TMEM181: variants seen among roughly 807,000 people sequenced by gnomAD.
TMEM181 encodes the protein G protein-coupled receptor 178.
Under a neutral mutation model 71.9 loss-of-function variants are expected in TMEM181, and 39 were observed. The observed-to-expected ratio is 0.54, with a 90% CI of 0.42 to 0.71. The LOEUF (loss-of-function observed/expected upper bound fraction) is 0.71, where lower values mean the gene tolerates loss of function less well. TMEM181 is among the 30% of genes least tolerant of loss of function. The pLI, the probability that TMEM181 is intolerant of heterozygous loss-of-function variation, is 0.00. For synonymous variants in TMEM181, 245 were observed against 228.8 expected, an observed-to-expected ratio of 1.07 and a Z score of -0.64; for missense variants, 595 against 583.0, an observed-to-expected ratio of 1.02 and a Z score of -0.21.
upstream of TMEM181, among the ~76,000 whole-genome samples, chr6:158,556,392 CAA>C (rs1396586345): frequency 1.3e-5 from 2 of 152,122 alleles, no homozygotes; most frequent in Non-Finnish European, 1.5e-5. Context: ...AAATAACAAA[CAA>C]AGAGGCTCTC....
intron 6 of TMEM181, among the ~76,000 whole-genome samples, chr6:158,596,824 T>C (rs546393533): frequency 1.3e-5 from 2 of 152,234 alleles, no homozygotes; most frequent in South Asian, 2.1e-4. Flanking sequence ...TCAGGTCTCG[T>C]GAGACTTATT....
chr6:158,605,558 G>T (rs1376740749), intron 7 of TMEM181, among the ~76,000 whole-genome samples: 1 of 152,188 alleles, frequency 6.6e-6, no homozygotes, highest in African/African-American at 2.4e-5. Flanking sequence ...CAGGATTTCT[G>T]TAGAGTGCAC....
intron 13 of TMEM181, chr6:158,628,180 G>T: frequency 2.9e-6 from 2 of 679,610 alleles, no homozygotes; most frequent in South Asian, 3.0e-5. Context: ...GCAGCCGGCC[G>T]GTGGGTCTAG....
intron 6 of TMEM181, among the ~76,000 whole-genome samples, chr6:158,600,458 ATTTTTTTTT>A (rs61457107): frequency 9.8e-5 from 9 of 91,870 alleles, no homozygotes; most frequent in African/African-American, 2.1e-4. Context: ...CCTAGGGTTA[ATTTTTTTTT>A]TTTTTTTTTT....
rs182861845 is a variant in TMEM181 at position 158,580,393 on chromosome 6, T to C, written c.113-547T>C. 8.5e-5 allele frequency among the ~76,000 whole-genome samples: 13 copies of C among 152,312 alleles called. No homozygotes were observed. In the East Asian group the frequency reaches 1.5e-3, roughly 18 times the overall value. ...AAAATGGTTAAGATGGCAAATCTTA[T>C]GTATATTTTGTCACAGTAAAAATTG... On this transcript the variant is annotated intron_variant, in intron 2 of 16. Coordinates refer to ENST00000684151, the MANE Select transcript of TMEM181 (RefSeq NM_001376852.1).
chr6:158,585,272 G>A (rs775971237), intron 4 of TMEM181, 32 bp from the exon 5 acceptor site: 8 of 1,557,032 alleles, frequency 5.1e-6, no homozygotes, highest in Non-Finnish European at 6.9e-6. Flanking sequence ...TGCCTGGCAT[G>A]GTCTCTAACA....
chr6:158,590,671 C>T (rs1370484989), intron 6 of TMEM181, among the ~76,000 whole-genome samples: 2 of 152,166 alleles, frequency 1.3e-5, no homozygotes, highest in Non-Finnish European at 2.9e-5. Flanking sequence ...ACCATGTTGG[C>T]CAGGATGGTC....
intron 1 of TMEM181, among the ~76,000 whole-genome samples, chr6:158,567,146 T>A (rs1038950648): frequency 3.3e-5 from 5 of 152,132 alleles, no homozygotes; most frequent in African/African-American, 1.2e-4. Flanking sequence ...AGATGCCTCT[T>A]GTGAAAAGCT....
At chr6:158,576,948 G>C (rs569106929) in intron 2 of TMEM181, among the ~76,000 whole-genome samples, 1 of 151,724 alleles carries the variant, frequency 6.6e-6, no homozygotes, top group African/African-American at 2.4e-5. Context: ...TGTAGCCCCA[G>C]CTACTTGGGA....
intron 7 of TMEM181, among the ~76,000 whole-genome samples, chr6:158,605,786 T>A (rs1038694776): frequency 2.0e-5 from 3 of 152,164 alleles, no homozygotes; most frequent in African/African-American, 7.2e-5. Context: ...AATGCAGGCA[T>A]TGGGCTCGTT....
intron 13 of TMEM181, among the ~76,000 whole-genome samples, 154 bp downstream of exon 13, chr6:158,625,908 G>A (rs935924299): frequency 6.6e-6 from 1 of 152,186 alleles, no homozygotes; most frequent in Non-Finnish European, 1.5e-5. Flanking sequence ...CTGGGCAGCC[G>A]AGAGCAGCCG....
At position 158,620,122 on chromosome 6, in the gene TMEM181, G is replaced by A. The variant is rs550341865; in HGVS notation, c.897-3428G>A. Among the ~76,000 whole-genome samples the A allele has an allele frequency of 1.3e-5, 2 of 152,316 alleles. No homozygotes were observed. Among genetic ancestry groups the A allele is most frequent in the African/African-American group, 4.8e-5 (2 of 41,568 alleles). ...ACTTTGGCTTTAGGAGTCCCTGTGAGCCAAGTTTGGCGAGGTTGTGAAGGA... is the reference window on the plus strand; with the variant it reads ...ACTTTGGCTTTAGGAGTCCCTGTGAACCAAGTTTGGCGAGGTTGTGAAGGA... On this transcript the variant is annotated intron_variant, in intron 10 of 16. Coordinates refer to ENST00000684151, the MANE Select transcript of TMEM181 (RefSeq NM_001376852.1). The surrounding 1 kb of genome is among the most constrained non-coding windows in gnomAD (Gnocchi z 4.5).
intron 15 of TMEM181, among the ~76,000 whole-genome samples, chr6:158,630,853 C>T (rs773545828): frequency 6.6e-6 from 1 of 151,950 alleles, no homozygotes; most frequent in East Asian, 1.9e-4. Flanking sequence ...TTATAGTGGG[C>T]TAGCACTTGC....
rs1036286997 is a variant in TMEM181 at position 158,631,481 on chromosome 6, T to G, written c.1349+92T>G. ...AATGGGTTACTCTTCTAAAATTATT[T>G]TCAAGGTATGAAGGCATTTACCTTG... On this transcript the variant is annotated intron_variant, in intron 16 of 16. Coordinates refer to ENST00000684151, the MANE Select transcript of TMEM181 (RefSeq NM_001376852.1). 6.5e-6 allele frequency: 9 copies of G among 1,395,248 alleles called. No homozygotes were observed. In the African/African-American group the frequency reaches 1.3e-4, roughly 20 times the overall value. 86.4% of individuals were successfully genotyped at this position (1,395,248 alleles called of 1,614,324 possible).
At chr6:158,593,052 T>C (rs1052491430) in intron 6 of TMEM181, among the ~76,000 whole-genome samples, 12 of 152,248 alleles carry the variant, frequency 7.9e-5, no homozygotes, top group African/African-American at 2.7e-4. Flanking sequence ...TTTAGCAATG[T>C]ATAAAAGCCT....
chr6:158,573,607 C>G (rs542294940), intron 2 of TMEM181, 84 bp downstream of exon 2: 2 of 1,136,056 alleles, frequency 1.8e-6, no homozygotes, highest in African/African-American at 3.1e-5. Context: ...AGCTGTGCCC[C>G]TATCTTCCAC....
chr6:158,542,259 T>C (rs1781381928), intron 1 of TMEM181, among the ~76,000 whole-genome samples: 1 of 152,188 alleles, frequency 6.6e-6, no homozygotes, highest in African/African-American at 2.4e-5. Flanking sequence ...GAATCTCACG[T>C]ATAGTATTGG....
intron 1 of TMEM181, among the ~76,000 whole-genome samples, chr6:158,562,772 T>C (rs1782260441): frequency 6.6e-6 from 1 of 152,192 alleles, no homozygotes; most frequent in African/African-American, 2.4e-5. Context: ...AAATGATCTC[T>C]AGAAATAGTA....
intron 1 of TMEM181, among the ~76,000 whole-genome samples, chr6:158,564,430 G>A (rs1782368514): frequency 6.6e-6 from 1 of 152,220 alleles, no homozygotes; most frequent in South Asian, 2.1e-4. Flanking sequence ...CTCCCAGCCT[G>A]GTACCAAATA....
Sources: gnomAD v4.1 joint callset for allele counts (sites outside exome capture counted in the v4.1 genomes callset) on GRCh38, gnomAD v4.1.1 for gene constraint, Gnocchi (gnomAD v3.1) non-coding constraint, MANE v1.5 for transcripts, NCBI Gene and HGNC (gene_info 2026-07-23, HGNC 2026-07-21) for gene names.